The following CNTN4 variants were observed in gnomAD, a reference collection of about 807,000 sequenced individuals.
CNTN4 encodes contactin 4, also known as contactin-4.
Under a neutral mutation model 122.5 loss-of-function variants are expected in CNTN4, and 77 were observed. The observed-to-expected ratio is 0.63, with a 90% CI of 0.52 to 0.76. CNTN4 has a LOEUF of 0.76. Among genes scored for constraint, CNTN4 ranks in the 30% least tolerant of loss-of-function variants. CNTN4 has a pLI of 0.00. For missense variants in CNTN4, 1,256 were observed against 1,259.1 expected, an observed-to-expected ratio of 1.00 and a Z score of 0.04; for synonymous variants, 512 against 447.0, an observed-to-expected ratio of 1.15 and a Z score of -1.83.
chr3:2,261,659 C>T (rs1181547664), intron 2 of CNTN4, among the ~76,000 whole-genome samples: 6 of 152,116 alleles, frequency 3.9e-5, no homozygotes, highest in Non-Finnish European at 7.4e-5. Flanking sequence ...CAGTTTGAAA[C>T]GGTTCTAAAA....
chr3:2,416,396 T>G (rs2047413468), intron 3 of CNTN4, among the ~76,000 whole-genome samples: 1 of 152,192 alleles, frequency 6.6e-6, no homozygotes, highest in East Asian at 1.9e-4. Flanking sequence ...AATATCTGCG[T>G]TATATAACAT....
chr3:2,204,995 G>A (rs975740891), intron 2 of CNTN4, among the ~76,000 whole-genome samples: 6 of 152,070 alleles, frequency 3.9e-5, no homozygotes, highest in Non-Finnish European at 8.8e-5. Context: ...GTACTAGACA[G>A]ATACAGGTTG....
intron 7 of CNTN4, among the ~76,000 whole-genome samples, chr3:2,864,999 G>A (rs2093709170): frequency 6.6e-6 from 1 of 152,084 alleles, no homozygotes; most frequent in South Asian, 2.1e-4. Context: ...GCATTGCGAT[G>A]CTGTTTGTTG....
intron 12 of CNTN4, among the ~76,000 whole-genome samples, chr3:2,907,970 A>T (rs2094256050): frequency 6.6e-6 from 1 of 152,184 alleles, no homozygotes; most frequent in Admixed American, 6.5e-5. Context: ...CTGTGACTGA[A>T]CTATGACAAT....
chr3:2,499,538 G>C (rs898207497), intron 3 of CNTN4, among the ~76,000 whole-genome samples: 1 of 151,978 alleles, frequency 6.6e-6, no homozygotes, highest in Non-Finnish European at 1.5e-5. Flanking sequence ...TTTAAAACTT[G>C]GGTGGATTTG....
intron 3 of CNTN4, among the ~76,000 whole-genome samples, chr3:2,532,047 T>C (rs1575875366): frequency 6.6e-6 from 1 of 152,194 alleles, no homozygotes; most frequent in Admixed American, 6.5e-5. Flanking sequence ...TTGAGAGTAA[T>C]TGACTTCTTA....
intron 13 of CNTN4, among the ~76,000 whole-genome samples, chr3:2,937,889 G>A (rs1050051707): frequency 2.6e-5 from 4 of 152,130 alleles, no homozygotes; most frequent in Non-Finnish European, 5.9e-5. Context: ...CCATGTACGT[G>A]CAGCAAGTCA....
chr3:2,821,086 C>T (rs767615319), intron 7 of CNTN4, among the ~76,000 whole-genome samples: 28 of 150,864 alleles, frequency 1.9e-4, no homozygotes, highest in South Asian at 4.2e-4. Flanking sequence ...CTCAGCCTTC[C>T]GAGTAGCTGG....
chr3:3,014,897 T>C (rs1288386797), intron 14 of CNTN4, among the ~76,000 whole-genome samples: 4 of 102,284 alleles, frequency 3.9e-5, no homozygotes, highest in Non-Finnish European at 4.1e-5. Context: ...TTTTTTTTTT[T>C]CTCTTTGGGT....
intron 4 of CNTN4, among the ~76,000 whole-genome samples, chr3:2,575,883 G>A (rs1463677585): frequency 1.4e-5 from 2 of 143,216 alleles, no homozygotes; most frequent in South Asian, 2.2e-4. Context: ...GTGCAGGGGT[G>A]TGATCTCGGC....
At chr3:3,044,873 TGACA>T (rs2125814239) in intron 23 of CNTN4, among the ~76,000 whole-genome samples, 1 of 152,298 alleles carries the variant, frequency 6.6e-6, no homozygotes, top group South Asian at 2.1e-4. Flanking sequence ...AGCAAAGCTG[TGACA>T]GACAGCACCT....
intron 3 of CNTN4, among the ~76,000 whole-genome samples, chr3:2,524,015 T>G (rs1411090486): frequency 6.6e-6 from 1 of 152,116 alleles, no homozygotes; most frequent in African/African-American, 2.4e-5. Context: ...TCTTATGTCA[T>G]ACAACTAACA....
intron 2 of CNTN4, among the ~76,000 whole-genome samples, chr3:2,291,710 A>G (rs1032984006): frequency 8.6e-5 from 13 of 151,756 alleles, no homozygotes; most frequent in African/African-American, 3.2e-4. Flanking sequence ...GTTTTGAACT[A>G]TAATATTTTA....
intron 2 of CNTN4, among the ~76,000 whole-genome samples, chr3:2,123,205 C>T (rs1054835969): frequency 2.6e-5 from 4 of 152,192 alleles, no homozygotes; most frequent in Non-Finnish European, 4.4e-5. Flanking sequence ...CTAATCTTTA[C>T]AACAACCCTC....
At chr3:2,269,630 T>A (rs945510769) in intron 2 of CNTN4, among the ~76,000 whole-genome samples, 1 of 152,062 alleles carries the variant, frequency 6.6e-6, no homozygotes, top group Non-Finnish European at 1.5e-5. Context: ...TACAATGAGG[T>A]CCCGCAAAGA....
intron 18 of CNTN4, chr3:3,037,545 T>C (rs1017123228): frequency 1.3e-5 from 8 of 606,618 alleles, no homozygotes; most frequent in Admixed American, 4.8e-5. Flanking sequence ...GGTCCACTTG[T>C]ACAGCAAGAG....
chr3:2,588,436 G>C (rs1423855306), intron 4 of CNTN4, among the ~76,000 whole-genome samples: 2 of 151,400 alleles, frequency 1.3e-5, no homozygotes, highest in African/African-American at 2.4e-5. Flanking sequence ...GTGTGATCTC[G>C]GCTCACTGCA....
chr3:2,490,137 G>C (rs533210876), intron 3 of CNTN4, among the ~76,000 whole-genome samples: 4 of 122,648 alleles, frequency 3.3e-5, no homozygotes, highest in African/African-American at 1.3e-4. Context: ...TTTCAAGTCT[G>C]CTTACAAAAA....
At chr3:2,532,634 A>C (rs1240297841) in intron 3 of CNTN4, among the ~76,000 whole-genome samples, 1 of 152,212 alleles carries the variant, frequency 6.6e-6, no homozygotes, top group Non-Finnish European at 1.5e-5. Flanking sequence ...AAAGGAAACC[A>C]AAAACAAATA....
Sources: gnomAD v4.1 joint callset for allele counts (sites outside exome capture counted in the v4.1 genomes callset) on GRCh38, gnomAD v4.1.1 for gene constraint, MANE v1.5 for transcripts, NCBI Gene and HGNC (gene_info 2026-07-23, HGNC 2026-07-21) for gene names.